PPP3CA: variants seen among roughly 807,000 people sequenced by gnomAD.
PPP3CA encodes the protein CAM-PRP catalytic subunit.
Under a neutral mutation model 66.5 loss-of-function variants are expected in PPP3CA, and 14 were observed. The ratio of observed to expected loss-of-function variants is 0.21; its 90% confidence interval spans 0.14 to 0.33. The LOEUF is 0.33. Ranked by LOEUF, PPP3CA falls within the 10% of genes least tolerant of loss-of-function variation. The pLI is 1.00. For missense variants in PPP3CA, 317 were observed against 639.5 expected, an observed-to-expected ratio of 0.50 and a Z score of 5.44; for synonymous variants, 232 against 226.2, an observed-to-expected ratio of 1.03 and a Z score of -0.23.
At chr4:101,285,603 G>GTGTA (rs1727820546) in intron 1 of PPP3CA, among the ~76,000 whole-genome samples, 1 of 47,606 alleles carries the variant, frequency 2.1e-5, no homozygotes, top group Non-Finnish European at 3.8e-5. Context: ...GTGTGTATGT[G>GTGTA]TGTGTGTGTG....
At chr4:101,066,084 C>G (rs1728667597) in intron 8 of PPP3CA, among the ~76,000 whole-genome samples, 1 of 152,016 alleles carries the variant, frequency 6.6e-6, no homozygotes, top group African/African-American at 2.4e-5. Context: ...AATAAGCAAA[C>G]AGAGAGGTTA....
intron 1 of PPP3CA, chr4:101,250,449 A>G (rs2850958): frequency 0.89 from 375,409 of 419,590 alleles, 168,293 homozygotes; most frequent in African/African-American, 0.94. Context: ...GTTATGTTAC[A>G]TAGAAAGGAT....
chr4:101,238,668 C>T (rs974734519), intron 1 of PPP3CA, among the ~76,000 whole-genome samples: 16 of 152,102 alleles, frequency 1.1e-4, no homozygotes, highest in Admixed American at 4.6e-4. Context: ...CAAAAATCAT[C>T]GTTTTTCTAC....
At chr4:101,197,101 T>C (rs1724819474) in intron 1 of PPP3CA, among the ~76,000 whole-genome samples, 1 of 152,172 alleles carries the variant, frequency 6.6e-6, no homozygotes, top group Non-Finnish European at 1.5e-5. Context: ...ATAAACATCA[T>C]CCCATGTATC....
chr4:101,091,378 ATAT>A (rs1183502051), intron 6 of PPP3CA, among the ~76,000 whole-genome samples: 1 of 152,204 alleles, frequency 6.6e-6, no homozygotes, highest in East Asian at 1.9e-4. Flanking sequence ...CTTTTCAGAA[ATAT>A]TATACCATGC....
rs1723629593 is a variant in PPP3CA, at chr4:101,164,566, T to TTTG, written c.259+31349_259+31350insCAA. Among the ~76,000 whole-genome samples, 8 of 148,668 alleles carry TTTG rather than the reference T, an allele frequency of 5.4e-5. No individual in the cohort carries two copies. In the South Asian group the frequency reaches 1.3e-3, roughly 23 times the overall value. ...TCTAAAAATAATGGGATTTAAGTTT[T>TTTG]TTTTTTTTTTTAGGGTCCTGGCTCT... On this transcript the variant is annotated intron_variant, in intron 2 of 13. Transcript: ENST00000394854.
At chr4:101,131,277 T>TAAACAAAA (rs1553927201) in intron 2 of PPP3CA, among the ~76,000 whole-genome samples, 1 of 140,264 alleles carries the variant, frequency 7.1e-6, no homozygotes, top group African/African-American at 2.7e-5. Flanking sequence ...AATAAATAAA[T>TAAACAAAA]AAAATAAAAA....
At chr4:101,320,709 T>C (rs1410735632) in intron 1 of PPP3CA, among the ~76,000 whole-genome samples, 1 of 152,168 alleles carries the variant, frequency 6.6e-6, no homozygotes, top group African/African-American at 2.4e-5. Context: ...TGTTTCAATG[T>C]ATAATTAAGC....
intron 1 of PPP3CA, among the ~76,000 whole-genome samples, chr4:101,308,636 G>A (rs1728622803): frequency 6.6e-6 from 1 of 152,048 alleles, no homozygotes; most frequent in Non-Finnish European, 1.5e-5. Flanking sequence ...TGCAGAGACA[G>A]GGTCTTGCTA....
chr4:101,186,825 T>C (rs1303836178), intron 2 of PPP3CA, among the ~76,000 whole-genome samples: 1 of 152,176 alleles, frequency 6.6e-6, no homozygotes, highest in African/African-American at 2.4e-5. Context: ...ATAAGGTGTC[T>C]ATACTTCTAA....
At chr4:101,315,935 A>C (rs1728871370) in intron 1 of PPP3CA, among the ~76,000 whole-genome samples, 1 of 152,150 alleles carries the variant, frequency 6.6e-6, no homozygotes, top group South Asian at 2.1e-4. Flanking sequence ...GCAAAACAAC[A>C]AAATAAGGCT....
chr4:101,144,416 T>C (rs1016199147), intron 2 of PPP3CA, among the ~76,000 whole-genome samples: 1 of 152,104 alleles, frequency 6.6e-6, no homozygotes, highest in Non-Finnish European at 1.5e-5. Context: ...AACATCCCTC[T>C]GCTCCTTAGG....
rs1179868054 is a variant in PPP3CA, at chr4:101,099,134, G to GT, written c.496+476dup. On this transcript the variant is annotated intron_variant, in intron 4 of 13. Coordinates refer to ENST00000394854, the MANE Select transcript of PPP3CA (RefSeq NM_000944.5). The stretch of plus-strand genomic sequence containing the variant: ...GATTCAGTGAATAATAAGAAAAATT[G>GT]TAAGGAGGAAAAAGAAATTGAAAAA... Among the ~76,000 whole-genome samples, 3 of 152,210 alleles carry GT rather than the reference G, an allele frequency of 2.0e-5. No homozygotes were observed. The East Asian group carries it at 5.8e-4, about 29-fold the overall frequency.
intron 2 of PPP3CA, among the ~76,000 whole-genome samples, chr4:101,135,995 C>T (rs1722608789): frequency 1.3e-5 from 2 of 152,134 alleles, no homozygotes; most frequent in African/African-American, 4.8e-5. Context: ...TTCCACCTTG[C>T]AGGGCTGTCT....
chr4:101,031,071 G>A (rs558485213), intron 12 of PPP3CA, among the ~76,000 whole-genome samples: 3 of 126,292 alleles, frequency 2.4e-5, no homozygotes, highest in Admixed American at 2.2e-4. Flanking sequence ...TTGTCTTTTT[G>A]TAAAAACTCA....
At chr4:101,037,814 A>G (rs541765534) in intron 11 of PPP3CA, among the ~76,000 whole-genome samples, 1 of 152,118 alleles carries the variant, frequency 6.6e-6, no homozygotes, top group African/African-American at 2.4e-5. Flanking sequence ...ACTTCAGTAT[A>G]TTTTCAGTCT....
intron 10 of PPP3CA, among the ~76,000 whole-genome samples, chr4:101,044,795 A>C (rs1392917990): frequency 6.6e-6 from 1 of 152,176 alleles, no homozygotes; most frequent in African/African-American, 2.4e-5. Context: ...TTTGCTTTTA[A>C]TACATATCCT....
intron 1 of PPP3CA, among the ~76,000 whole-genome samples, chr4:101,199,343 G>A (rs1463827006): frequency 2.0e-5 from 3 of 151,350 alleles, no homozygotes. Context: ...TTTGCTTTGA[G>A]TCTTACAACA....
intron 1 of PPP3CA, among the ~76,000 whole-genome samples, chr4:101,225,142 T>C (rs1055699771): frequency 5.9e-5 from 9 of 151,848 alleles, no homozygotes; most frequent in African/African-American, 2.2e-4. Flanking sequence ...CTGTTTTAAA[T>C]GGAACATCTC....
Sources: gnomAD v4.1 joint callset for allele counts (sites outside exome capture counted in the v4.1 genomes callset) on GRCh38, gnomAD v4.1.1 for gene constraint, MANE v1.5 for transcripts, NCBI Gene and HGNC (gene_info 2026-07-23, HGNC 2026-07-21) for gene names.